ZBTB20: variants seen among roughly 807,000 people sequenced by gnomAD.
The protein encoded by ZBTB20 is zinc finger and BTB domain containing 20, also known as zinc finger and BTB domain-containing protein 20.
ZBTB20 carries 9 observed loss-of-function variants against 56.9 expected under a neutral mutation model. That is an observed-to-expected ratio of 0.16 (90% CI 0.10 to 0.28). The LOEUF (loss-of-function observed/expected upper bound fraction) is 0.28, where lower values mean the gene tolerates loss of function less well. ZBTB20 is among the 10% of genes least tolerant of loss of function. The pLI, the probability that ZBTB20 is intolerant of heterozygous loss-of-function variation, is 1.00. For missense variants in ZBTB20, 655 were observed against 1,003.0 expected, an observed-to-expected ratio of 0.65 and a Z score of 4.69; for synonymous variants, 417 against 420.7, an observed-to-expected ratio of 0.99 and a Z score of 0.11.
chr3:114,688,300 T>C (rs973488784), intron 6 of ZBTB20: 17 of 151,274 alleles, frequency 1.1e-4, no homozygotes, highest in African/African-American at 4.1e-4. Flanking sequence ...ACTTGGGTGA[T>C]GGGATCATAC....
intron 5 of ZBTB20, among the ~76,000 whole-genome samples, chr3:114,792,535 T>A (rs1337036141): frequency 6.6e-6 from 1 of 152,190 alleles, no homozygotes; most frequent in African/African-American, 2.4e-5. Context: ...AAAATTGTTA[T>A]GTATACTGAT....
At chr3:114,989,572 T>C (rs2078707336) in intron 2 of ZBTB20, among the ~76,000 whole-genome samples, 1 of 152,208 alleles carries the variant, frequency 6.6e-6, no homozygotes, top group South Asian at 2.1e-4. Flanking sequence ...TAAGATTGTC[T>C]TGGCAATGTG....
intron 5 of ZBTB20, among the ~76,000 whole-genome samples, chr3:114,788,425 C>T (rs1027310297): frequency 6.6e-6 from 1 of 152,162 alleles, no homozygotes; most frequent in Non-Finnish European, 1.5e-5. Context: ...TTTGACTATA[C>T]TAGGTACTTA....
intron 4 of ZBTB20, among the ~76,000 whole-genome samples, chr3:114,870,326 A>G (rs1274594007): frequency 6.6e-6 from 1 of 151,474 alleles, no homozygotes; most frequent in African/African-American, 2.4e-5. Context: ...GACCCCTATC[A>G]AGTAAAAACA....
rs1376856167 is a variant in ZBTB20, at chr3:114,323,819, A to C, written c.*15186T>G. The C allele has an allele frequency of 6.6e-6, 1 of 152,232 alleles. No homozygotes were observed. Among genetic ancestry groups the C allele is most frequent in the Non-Finnish European group, 1.5e-5 (1 of 68,042 alleles). The allele number at this position is 152,232 out of a possible 1,614,324, so 9.4% of individuals were successfully genotyped here. ...CTCGCCAACCCTGCTAAGATCAAGC[A>C]TGATGAAAATAACTCTGCATTTTAG... On this transcript the variant is annotated 3_prime_UTR_variant, in exon 12 of 12. Coordinates refer to ENST00000675478, the MANE Select transcript of ZBTB20 (RefSeq NM_001348800.3).
intron 10 of ZBTB20, among the ~76,000 whole-genome samples, chr3:114,354,249 T>C (rs1655409139): frequency 6.6e-6 from 1 of 152,150 alleles, no homozygotes; most frequent in Non-Finnish European, 1.5e-5. Context: ...AAGGTCTCTT[T>C]CATTTAAGTA....
chr3:114,531,617 G>A (rs1366824007), intron 6 of ZBTB20, among the ~76,000 whole-genome samples: 1 of 152,144 alleles, frequency 6.6e-6, no homozygotes, highest in Non-Finnish European at 1.5e-5. Flanking sequence ...AGATTTTTGG[G>A]GAGGGGAGAG....
intron 5 of ZBTB20, among the ~76,000 whole-genome samples, chr3:114,783,710 T>C (rs1298380128): frequency 6.6e-6 from 1 of 151,364 alleles, no homozygotes; most frequent in Non-Finnish European, 1.5e-5. Context: ...GAAGAATTGC[T>C]TGAATCTGGG....
At chr3:114,698,389 A>T (rs2063183142) in intron 5 of ZBTB20, among the ~76,000 whole-genome samples, 1 of 152,120 alleles carries the variant, frequency 6.6e-6, no homozygotes, top group Admixed American at 6.6e-5. Flanking sequence ...ATAATTTCTT[A>T]TGTCTATGGA....
At chr3:114,790,775 GTT>G (rs199728572) in intron 5 of ZBTB20, among the ~76,000 whole-genome samples, 2 of 142,266 alleles carry the variant, frequency 1.4e-5, no homozygotes, top group African/African-American at 2.6e-5. Flanking sequence ...ATAACAGTAA[GTT>G]TTTTTTTTTT....
intron 4 of ZBTB20, among the ~76,000 whole-genome samples, chr3:114,838,264 T>C (rs940715521): frequency 5.3e-5 from 8 of 152,194 alleles, no homozygotes; most frequent in African/African-American, 1.7e-4. Context: ...TTTATAATGA[T>C]GGTATTTGAT....
intron 6 of ZBTB20, among the ~76,000 whole-genome samples, chr3:114,509,422 TGTGGTGGTG>T (rs199590803): frequency 8.7e-5 from 13 of 150,080 alleles, no homozygotes; most frequent in African/African-American, 2.2e-4. Flanking sequence ...TGTGTGTGTG[TGTGGTGGTG>T]GTGGTGGTGG....
rs1300133006 is a variant in ZBTB20, at chr3:114,324,396, G to C, written c.*14609C>G. 5 of 152,102 alleles carry C rather than the reference G, an allele frequency of 3.3e-5. No individual in the cohort carries two copies. The highest frequency in any genetic ancestry group is 7.4e-5 in the Non-Finnish European group (5 of 68,022). The allele number at this position is 152,102 out of a possible 1,614,324, so 9.4% of individuals were successfully genotyped here. ...TAGTGCAATCAGCTATTCCTCAAGG[G>C]CTACAGGCAGCAGCCACCTAACATA... On this transcript the variant is annotated 3_prime_UTR_variant, in exon 12 of 12. Transcript: ENST00000675478.
rs530859628 is a variant in ZBTB20 at position 114,499,060 on chromosome 3, T to C, written c.-255+1292A>G. ...CAGTCAGAGGACTAGAAATATGCAG[T>C]GCTAGGTAACTGAGGGGAGGGCTGT... On this transcript the variant is annotated intron_variant, in intron 7 of 11. Transcript: ENST00000675478. Among the ~76,000 whole-genome samples the C allele has an allele frequency of 2.0e-5, 3 of 152,326 alleles. No individual in the cohort carries two copies. The South Asian group carries it at 6.2e-4, about 32-fold the overall frequency.
chr3:115,028,134 T>TA (rs781284564), intron 2 of ZBTB20, among the ~76,000 whole-genome samples: 41 of 151,012 alleles, frequency 2.7e-4, no homozygotes, highest in Non-Finnish European at 4.9e-4. Context: ...TCCACCTAAT[T>TA]GAAATGTCAT....
intron 7 of ZBTB20, among the ~76,000 whole-genome samples, chr3:114,490,370 C>T (rs569407702): frequency 2.6e-5 from 4 of 152,070 alleles, no homozygotes; most frequent in Middle Eastern, 6.8e-3. Flanking sequence ...TACAAGCACC[C>T]GCCACTATGC....
At chr3:114,822,351 T>C (rs1419067444) in intron 4 of ZBTB20, among the ~76,000 whole-genome samples, 2 of 151,180 alleles carry the variant, frequency 1.3e-5, no homozygotes, top group Non-Finnish European at 3.0e-5. Context: ...AATAAAATTA[T>C]TTTGTTTTTT....
intron 2 of ZBTB20, among the ~76,000 whole-genome samples, chr3:114,980,529 G>A (rs2078284129): frequency 6.6e-6 from 1 of 151,800 alleles, no homozygotes; most frequent in Admixed American, 6.6e-5. Context: ...TCACAGGTCA[G>A]TAAAATTATT....
chr3:114,927,579 A>G (rs781652736), intron 3 of ZBTB20, among the ~76,000 whole-genome samples: 1 of 152,196 alleles, frequency 6.6e-6, no homozygotes, highest in Non-Finnish European at 1.5e-5. Context: ...AAAACAATTG[A>G]AGAATTTATG....
Sources: allele counts gnomAD v4.1 joint callset (sites outside exome capture counted in the v4.1 genomes callset), GRCh38; gene constraint gnomAD v4.1.1; transcripts MANE v1.5; gene names NCBI Gene and HGNC (gene_info 2026-07-23, HGNC 2026-07-21).